TNRC6A: variants seen among roughly 807,000 people sequenced by gnomAD.
TNRC6A encodes trinucleotide repeat containing adaptor 6A.
In TNRC6A, 44 loss-of-function variants were observed where a neutral mutation model predicts 221.2. The ratio of observed to expected loss-of-function variants is 0.20; its 90% CI spans 0.16 to 0.26. The LOEUF is 0.26. TNRC6A is among the 10% of genes least tolerant of loss of function. The pLI, the probability that TNRC6A is intolerant of heterozygous loss-of-function variation, is 1.00. For synonymous variants in TNRC6A, 847 were observed against 838.5 expected (o/e 1.01, Z -0.18); for missense variants, 2,199 against 2,404.4 (o/e 0.91, Z 1.79).
At chr16:24,766,764 C>A (rs1389730462) in intron 4 of TNRC6A, among the ~76,000 whole-genome samples, 1 of 151,264 alleles carries the variant, frequency 6.6e-6, no homozygotes, top group Non-Finnish European at 1.5e-5. Flanking sequence ...GCAACCTCCA[C>A]CTCCCAGGTT....
At chr16:24,797,648 ATTAT>A (rs758042539) in intron 10 of TNRC6A, 78 bp downstream of exon 10, 24 of 1,239,736 alleles carry the variant, frequency 1.9e-5, no homozygotes, top group Non-Finnish European at 2.6e-5. Context: ...CTTTTTAAGA[ATTAT>A]TTTTCATCTT....
At chr16:24,728,100 A>C (rs141289294), upstream of TNRC6A, among the ~76,000 whole-genome samples, 424 of 152,356 alleles carry the variant, frequency 2.8e-3, 1 homozygote, top group African/African-American at 9.8e-3. Flanking sequence ...ACAGGAACCC[A>C]ACATGTCTAG....
intron 1 of TNRC6A, among the ~76,000 whole-genome samples, chr16:24,610,852 C>T (rs1430846996): frequency 6.6e-6 from 1 of 152,086 alleles, no homozygotes; most frequent in Non-Finnish European, 1.5e-5. Context: ...GCTCCGTCGC[C>T]CAGGCTGGAG....
At chr16:24,805,234 A>G in intron 14 of TNRC6A, 83 bp downstream of exon 14, 2 of 1,539,916 alleles carry the variant, frequency 1.3e-6, no homozygotes, top group African/African-American at 1.4e-5. Context: ...ATGGCTAACT[A>G]AGCATTATCA....
chr16:24,737,335 G>A (rs1009735968), intron 2 of TNRC6A, among the ~76,000 whole-genome samples: 25 of 151,936 alleles, frequency 1.6e-4, no homozygotes, highest in Non-Finnish European at 3.1e-4. Context: ...AGTAATATTC[G>A]ACTAAGGCAT....
At chr16:24,685,629 G>A (rs183309132) in intron 2 of TNRC6A, among the ~76,000 whole-genome samples, 18 of 152,282 alleles carry the variant, frequency 1.2e-4, no homozygotes, top group African/African-American at 1.7e-4. Context: ...GTGAACCACC[G>A]TGCGCAGCCA....
chr16:24,684,224 C>G (rs373064427), intron 2 of TNRC6A, among the ~76,000 whole-genome samples: 175 of 151,866 alleles, frequency 1.2e-3, no homozygotes, highest in African/African-American at 4.1e-3. Context: ...CACAATGAGA[C>G]CTCAACTCTA....
intron 2 of TNRC6A, among the ~76,000 whole-genome samples, chr16:24,712,947 GTGTGTGTGTGTA>G (rs1395785120): frequency 2.3e-5 from 3 of 131,620 alleles, no homozygotes; most frequent in Non-Finnish European, 5.1e-5. Context: ...GTGTGTGTGT[GTGTGTGTGTGTA>G]TAGAGGTGAG....
rs1404139957 is a variant in TNRC6A, at chr16:24,805,026, A to C, written c.3997A>C (p.Ser1333Arg). The C allele has an allele frequency of 3.1e-6, 5 of 1,614,238 alleles. No individual in the cohort carries two copies. The highest frequency in any genetic ancestry group is 4.2e-6 in the Non-Finnish European group (5 of 1,180,046). The change falls in exon 14 of 25, where the codon AGT becomes CGT. Residue 1333 changes from serine (S) to arginine (R), a missense_variant. Ser to Arg is a moderately radical substitution (Grantham distance 110, BLOSUM62 -1). Around this residue, in one of 8 missense-constraint regions of TNRC6A, gnomAD observed 449 missense variants for 579.7 expected, o/e 0.77. Transcript: ENST00000395799. ...TTTGTTTTTATAGAATGGCAATCCC[A>C]GTATGTTTGGTGTTGGAAACACAGC... The part of the protein sequence containing the change: ...LNSVRQNGNP[S>R]MFGVGNTAAQ...
intron 2 of TNRC6A, among the ~76,000 whole-genome samples, chr16:24,702,107 CT>C (rs201421601): frequency 0.32 from 15,749 of 49,502 alleles, 1,022 homozygotes; most frequent in South Asian, 0.42. Context: ...TTTCTTTTTT[CT>C]TTTTTTTTTT....
In TNRC6A at chr16:24,787,143, G is replaced by A. The variant is rs553315904; in HGVS notation, c.590-2089G>A. Among the ~76,000 whole-genome samples, 8 of 152,222 alleles carry A rather than the reference G, an allele frequency of 5.3e-5. No homozygotes were observed. The South Asian group carries it at 6.2e-4, about 12-fold the overall frequency. ...ACTACATCAAATTGACCCTAACGAG[G>A]CACTTATTTGCAGCCAGCACTGAGC... On this transcript the variant is annotated intron_variant, in intron 5 of 24. Transcript: ENST00000395799.
intron 2 of TNRC6A, among the ~76,000 whole-genome samples, chr16:24,697,497 C>T (rs1381388704): frequency 6.6e-6 from 1 of 151,706 alleles, no homozygotes. Flanking sequence ...CCAGCCTGGC[C>T]AACATGGTGA....
At chr16:24,804,367 A>C (rs2058387625) in intron 12 of TNRC6A, 48 bp downstream of exon 12, 1 of 1,568,718 alleles carries the variant, frequency 6.4e-7, no homozygotes, top group East Asian at 2.3e-5. Context: ...AGTATACTTC[A>C]TAGCGTAATT....
chr16:24,711,680 A>C (rs936780718), intron 2 of TNRC6A, among the ~76,000 whole-genome samples: 5 of 152,002 alleles, frequency 3.3e-5, no homozygotes, highest in Admixed American at 6.6e-5. Context: ...TTTATTGCTG[A>C]GTAGTATTCC....
intron 2 of TNRC6A, among the ~76,000 whole-genome samples, chr16:24,681,434 G>T (rs926434250): frequency 2.0e-5 from 3 of 151,702 alleles, no homozygotes; most frequent in Non-Finnish European, 4.4e-5. Flanking sequence ...TCCCATGTTG[G>T]CCAGGCTAGT....
rs574634982 is a variant in TNRC6A, at chr16:24,671,236, G to A, written n.402+30227G>A. Reference sequence around the variant, plus strand: ...CTAAAAAAAAGAGAGGTTGTCCTTAGGAAGATGGGTGAGGCTAAACTCCAG... The same window carrying A: ...CTAAAAAAAAGAGAGGTTGTCCTTAAGAAGATGGGTGAGGCTAAACTCCAG... On this transcript the variant is annotated intron_variant and non_coding_transcript_variant, in intron 2 of 2. Transcript: ENST00000566108. 6.6e-5 allele frequency among the ~76,000 whole-genome samples: 10 copies of A among 152,286 alleles called. No homozygotes were observed. In the East Asian group the frequency reaches 1.9e-3, roughly 29 times the overall value.
At chr16:24,666,672 T>A (rs868346086) in intron 2 of TNRC6A, among the ~76,000 whole-genome samples, 2,231 of 98,922 alleles carry the variant, frequency 0.023, 17 homozygotes, top group Non-Finnish European at 0.031. Context: ...AAAAAAAATA[T>A]ATATATATAT....
At chr16:24,747,493 C>A (rs1249254807) in intron 2 of TNRC6A, among the ~76,000 whole-genome samples, 1 of 151,818 alleles carries the variant, frequency 6.6e-6, no homozygotes, top group Non-Finnish European at 1.5e-5. Flanking sequence ...GTGCATCAAA[C>A]AGGGTGGCCC....
intron 20 of TNRC6A, among the ~76,000 whole-genome samples, chr16:24,817,890 A>G (rs1337132121): frequency 6.6e-6 from 1 of 152,192 alleles, no homozygotes; most frequent in African/African-American, 2.4e-5. Flanking sequence ...TAGTGGAAGA[A>G]TCCGATGGCT....
Sources: allele counts gnomAD v4.1 joint callset (sites outside exome capture counted in the v4.1 genomes callset), GRCh38; gene constraint gnomAD v4.1.1; regional missense constraint gnomAD v4.1.1; transcripts MANE v1.5; gene names NCBI Gene and HGNC (gene_info 2026-07-23, HGNC 2026-07-21).